The following KCNK9 variants were observed in gnomAD, a reference collection of about 807,000 sequenced individuals.
KCNK9 encodes potassium two pore domain channel subfamily K member 9, also known as potassium channel subfamily K member 9.
KCNK9 carries 1 observed loss-of-function variant against 10.8 expected under a neutral mutation model. That is an observed-to-expected ratio of 0.09 (90% CI 0.03 to 0.44). The LOEUF is 0.44. KCNK9 is among the 20% of genes least tolerant of loss of function. KCNK9 has a pLI of 0.97. For synonymous variants in KCNK9, 231 were observed against 222.7 expected (o/e 1.04, Z -0.33); for missense variants, 303 against 515.0 (o/e 0.59, Z 3.98).
rs145265273 is a variant in KCNK9, at chr8:139,617,198, C to G, written c.*1060G>C. 4.0e-3 allele frequency among the ~76,000 whole-genome samples: 607 copies of G among 152,324 alleles called. 6 individuals carry two copies. Among genetic ancestry groups the G allele is most frequent in the African/African-American group, 0.014 (580 of 41,566 alleles). ...GAGGAAAAGGAACCACAGCCACATA[C>G]TAATACCCATTCTCACCCAAGCATT... On this transcript the variant is annotated 3_prime_UTR_variant, in exon 2 of 2. Transcript: ENST00000520439.
intron 1 of KCNK9, among the ~76,000 whole-genome samples, chr8:139,697,992 C>CAG (rs1817104640): frequency 6.6e-6 from 1 of 152,190 alleles, no homozygotes; most frequent in Admixed American, 6.5e-5. Context: ...GGGCCCACCC[C>CAG]ATGGCGCCCT....
chr8:139,673,848 G>A (rs1816490486), intron 1 of KCNK9, among the ~76,000 whole-genome samples: 1 of 152,034 alleles, frequency 6.6e-6, no homozygotes, highest in Admixed American at 6.5e-5. Context: ...ATCATGCTGA[G>A]CCAGCATCCC....
chr8:139,689,888 CG>C (rs1466242673), intron 1 of KCNK9, among the ~76,000 whole-genome samples: 1 of 152,138 alleles, frequency 6.6e-6, no homozygotes, highest in Non-Finnish European at 1.5e-5. Flanking sequence ...GTGATCTGCC[CG>C]TCTCAGCTCC....
Position 139,702,824 on chromosome 8 carries a change from C to T in KCNK9, c.169G>A (p.Glu57Lys). 1 of 1,614,016 alleles carries T rather than the reference C, an allele frequency of 6.2e-7. No individual in the cohort carries two copies. The highest frequency in any genetic ancestry group is 8.5e-7 in the Non-Finnish European group (1 of 1,179,982). ...RIKGKYNISS[E>K]DYRQLELVIL... Reference sequence around the variant, plus strand: ...ACCAGCTCCAGCTGCCGGTAGTCCTCGCTGCTGATGTTGTACTTCCCCTTG... The same window carrying T: ...ACCAGCTCCAGCTGCCGGTAGTCCTTGCTGCTGATGTTGTACTTCCCCTTG... The change falls in exon 1 of 2, where the codon GAG (glutamate) becomes AAG (lysine). Residue 57 changes from glutamate to lysine, a missense_variant. Glu to Lys is a moderately conservative substitution (Grantham distance 56). Transcript: ENST00000520439. This position sits in a 1 kb window ranked among gnomAD's most constrained non-coding sequence, Gnocchi z 7.5.
At chr8:139,650,568 A>G (rs3780047) in intron 1 of KCNK9, among the ~76,000 whole-genome samples, 33,442 of 151,896 alleles carry the variant, frequency 0.22, 7,466 homozygotes, top group East Asian at 0.56. Flanking sequence ...AGTAGACCCC[A>G]AGGATGGGGA....
chr8:139,641,254 G>A (rs1386601535), intron 1 of KCNK9, among the ~76,000 whole-genome samples: 1 of 152,176 alleles, frequency 6.6e-6, no homozygotes, highest in African/African-American at 2.4e-5. Context: ...CCTTGCAGCT[G>A]CACCCAGCAC....
intron 2 of KCNK9, among the ~76,000 whole-genome samples, chr8:139,605,744 C>T (rs182107027): frequency 9.2e-5 from 14 of 152,232 alleles, no homozygotes; most frequent in Middle Eastern, 3.4e-3. Flanking sequence ...TACAGGGCTG[C>T]GTACCGCACT....
intron 1 of KCNK9, among the ~76,000 whole-genome samples, chr8:139,667,830 G>A (rs189521822): frequency 6.8e-4 from 103 of 151,640 alleles, no homozygotes; most frequent in Non-Finnish European, 9.6e-4. Context: ...GCAGTGAGCT[G>A]AGATCGTGCC....
intron 1 of KCNK9, among the ~76,000 whole-genome samples, chr8:139,686,919 A>G (rs1012239989): frequency 6.6e-6 from 1 of 152,242 alleles, no homozygotes; most frequent in Non-Finnish European, 1.5e-5. Context: ...AGGAAAACAT[A>G]TAGCCTTTAG....
At chr8:139,609,634 C>A (rs971279705), downstream of KCNK9, among the ~76,000 whole-genome samples, 2 of 152,230 alleles carry the variant, frequency 1.3e-5, no homozygotes, top group African/African-American at 4.8e-5. Context: ...AGGCTTTCTT[C>A]CTTTAGAGCA....
chr8:139,694,548 G>T (rs1817006953), intron 1 of KCNK9, among the ~76,000 whole-genome samples: 1 of 152,192 alleles, frequency 6.6e-6, no homozygotes, highest in Admixed American at 6.5e-5. Flanking sequence ...GGCCACGGAG[G>T]AGCCCCTGAA....
chr8:139,648,914 G>C (rs912567025), intron 1 of KCNK9, among the ~76,000 whole-genome samples: 2 of 152,216 alleles, frequency 1.3e-5, no homozygotes, highest in African/African-American at 4.8e-5. Context: ...CATTTTCCCT[G>C]TGACAGGTAA....
intron 1 of KCNK9, among the ~76,000 whole-genome samples, chr8:139,691,666 C>T (rs569444491): frequency 6.6e-6 from 1 of 152,178 alleles, no homozygotes; most frequent in Non-Finnish European, 1.5e-5. Flanking sequence ...AATTAAGTGT[C>T]CATTCATTCA....
chr8:139,605,866 T>C (rs1817475360), intron 2 of KCNK9, among the ~76,000 whole-genome samples: 1 of 152,242 alleles, frequency 6.6e-6, no homozygotes, highest in Non-Finnish European at 1.5e-5. Context: ...AAATATTAGG[T>C]AAGCTGTGAC....
chr8:139,612,855 G>C (rs1412994356), downstream of KCNK9, among the ~76,000 whole-genome samples: 2 of 152,082 alleles, frequency 1.3e-5, no homozygotes, highest in African/African-American at 4.8e-5. Flanking sequence ...AGATCACAGG[G>C]CATTATTCTA....
intron 1 of KCNK9, among the ~76,000 whole-genome samples, chr8:139,682,470 A>T (rs924984803): frequency 6.6e-6 from 1 of 152,162 alleles, no homozygotes; most frequent in Non-Finnish European, 1.5e-5. Flanking sequence ...TAGGAGAGAC[A>T]TCTCACCTGC....
At chr8:139,652,040 T>C (rs896179022) in intron 1 of KCNK9, among the ~76,000 whole-genome samples, 1 of 152,130 alleles carries the variant, frequency 6.6e-6, no homozygotes, top group African/African-American at 2.4e-5. Flanking sequence ...CCTGGAGCCA[T>C]AAGGACCTGA....
chr8:139,686,763 G>T (rs1275905431), intron 1 of KCNK9, among the ~76,000 whole-genome samples: 1 of 152,136 alleles, frequency 6.6e-6, no homozygotes, highest in East Asian at 1.9e-4. Flanking sequence ...AAAAGTGTGT[G>T]TATATGCATG....
chr8:139,663,461 C>A (rs1816215246), intron 1 of KCNK9, among the ~76,000 whole-genome samples: 2 of 152,006 alleles, frequency 1.3e-5, no homozygotes, highest in African/African-American at 4.8e-5. Flanking sequence ...CAATCCCTGG[C>A]GCGAAAGACA....
Sources: gnomAD v4.1 joint callset for allele counts (sites outside exome capture counted in the v4.1 genomes callset) on GRCh38, gnomAD v4.1.1 for gene constraint, Gnocchi (gnomAD v3.1) non-coding constraint, MANE v1.5 for transcripts, NCBI Gene and HGNC (gene_info 2026-07-23, HGNC 2026-07-21) for gene names.